The following FUT9 variants were observed in gnomAD, a reference collection of about 807,000 sequenced individuals.
The protein encoded by FUT9 is fucosyltransferase 9, also known as 4-galactosyl-N-acetylglucosaminide 3-alpha-L-fucosyltransferase 9.
FUT9 carries 15 observed loss-of-function variants against 29.7 expected under a neutral mutation model. The ratio of observed to expected loss-of-function variants is 0.51; its 90% CI spans 0.34 to 0.78. The LOEUF (loss-of-function observed/expected upper bound fraction) is 0.78, where lower values mean the gene tolerates loss of function less well. Ranked by LOEUF, FUT9 falls within the 30% of genes least tolerant of loss-of-function variation. The pLI is 0.01. For synonymous variants in FUT9, 169 were observed against 153.7 expected (o/e 1.10, Z -0.74); for missense variants, 319 against 425.4 (o/e 0.75, Z 2.20).
At chr6:96,105,142 G>A (rs1771654669) in intron 1 of FUT9, among the ~76,000 whole-genome samples, 1 of 152,162 alleles carries the variant, frequency 6.6e-6, no homozygotes, top group Admixed American at 6.5e-5. Flanking sequence ...GATTCAAAAG[G>A]AGATAAATCT....
chr6:96,196,880 C>T (rs752155012), intron 2 of FUT9, among the ~76,000 whole-genome samples: 3 of 152,236 alleles, frequency 2.0e-5, no homozygotes, highest in Middle Eastern at 3.4e-3. Context: ...CAGAAAATTT[C>T]ATGGCCAGTT....
chr6:96,019,632 G>A lies in FUT9; in HGVS notation c.-98+3420G>A, dbSNP rs187351888. Reference sequence around the variant, plus strand: ...AAGTTTTACAACAATGCTATAAAGTGATACTCTCATAAACTCTAATGTACA... The same window carrying A: ...AAGTTTTACAACAATGCTATAAAGTAATACTCTCATAAACTCTAATGTACA... On this transcript the variant is annotated intron_variant, in intron 1 of 2. Coordinates refer to ENST00000302103, the MANE Select transcript of FUT9 (RefSeq NM_006581.4). Among the ~76,000 whole-genome samples the A allele has an allele frequency of 7.2e-5, 11 of 152,138 alleles. No homozygotes were observed. The East Asian group carries it at 1.7e-3, about 24-fold the overall frequency.
chr6:96,143,569 CCTT>C (rs1263746016), intron 2 of FUT9, among the ~76,000 whole-genome samples: 2 of 151,928 alleles, frequency 1.3e-5, no homozygotes, highest in South Asian at 2.1e-4. Context: ...TTTCTCCTTT[CCTT>C]CTTCTTATTT....
intron 2 of FUT9, among the ~76,000 whole-genome samples, chr6:96,137,528 G>C (rs1375401939): frequency 1.3e-5 from 2 of 151,972 alleles, no homozygotes; most frequent in Non-Finnish European, 2.9e-5. Flanking sequence ...TGGAGAAAAA[G>C]AGGAACTTTA....
chr6:96,023,614 T>C (rs1224382229), intron 1 of FUT9, among the ~76,000 whole-genome samples: 2 of 151,910 alleles, frequency 1.3e-5, no homozygotes, highest in Non-Finnish European at 2.9e-5. Context: ...AAGCTGGTAC[T>C]GGCACAGTCC....
At chr6:96,041,061 TGGGCCAGTGTCCCTCCC>T (rs1168662189) in intron 1 of FUT9, among the ~76,000 whole-genome samples, 1 of 151,908 alleles carries the variant, frequency 6.6e-6, no homozygotes, top group Non-Finnish European at 1.5e-5. Flanking sequence ...TTCTCTAGGC[TGGGCCAGTGTCCCTCCC>T]GGTTTATGCC....
Position 96,211,796 on chromosome 6 carries a change from A to G in FUT9, c.*7561A>G. ...AATGATATTCAAAATAGTATTTTTA[A>G]GTAGTTTCTAATTGTGTTCCTTTAA... On this transcript the variant is annotated 3_prime_UTR_variant, in exon 3 of 3. Transcript: ENST00000302103. The G allele has an allele frequency of 3.6e-6, 1 of 276,388 alleles. No individual in the cohort carries two copies. Among genetic ancestry groups the G allele is most frequent in the Non-Finnish European group, 7.1e-6 (1 of 140,790 alleles). The allele number at this position is 276,388 out of a possible 1,614,324, so 17.1% of individuals were successfully genotyped here. A position where few individuals can be genotyped will look rare whatever the true frequency, so the allele number is the denominator to read the frequency against.
At chr6:96,133,879 T>C (rs1315017767) in intron 2 of FUT9, among the ~76,000 whole-genome samples, 2 of 151,960 alleles carry the variant, frequency 1.3e-5, no homozygotes, top group Admixed American at 1.3e-4. Context: ...CTTATGATTT[T>C]CTAACTATCG....
chr6:96,168,640 T>C lies in FUT9; in HGVS notation c.-8-34508T>C, dbSNP rs118120900. Among the ~76,000 whole-genome samples, 189 of 152,196 alleles carry C rather than the reference T, an allele frequency of 1.2e-3. 1 individual carries two copies. Among genetic ancestry groups the C allele is most frequent in the Admixed American group, 7.1e-3 (108 of 15,288 alleles). Reference sequence around the variant, plus strand: ...CTGATTAGAAGGTATGTAATAGGAATAGAAGTAGAAAAAGTGAAGAAAGTG... The same window carrying C: ...CTGATTAGAAGGTATGTAATAGGAACAGAAGTAGAAAAAGTGAAGAAAGTG... On this transcript the variant is annotated intron_variant, in intron 2 of 2. Coordinates refer to ENST00000302103, the MANE Select transcript of FUT9 (RefSeq NM_006581.4).
intron 1 of FUT9, among the ~76,000 whole-genome samples, chr6:96,100,792 T>C (rs901078430): frequency 4.6e-5 from 7 of 152,200 alleles, no homozygotes; most frequent in Non-Finnish European, 1.5e-5. Flanking sequence ...TGAGTGTCTA[T>C]GTTTTAGAAA....
rs78296931 is a variant in FUT9 at position 96,107,382 on chromosome 6, G to A, written c.-97-6657G>A. 4.3e-3 allele frequency among the ~76,000 whole-genome samples: 652 copies of A among 152,072 alleles called. 5 individuals are homozygous for A. The highest frequency in any genetic ancestry group is 0.015 in the African/African-American group (617 of 41,476). ...TATGTACATTCTGCATTTTATTTAC[G>A]ATATACTGTCTCTCTATTTTAGAAC... On this transcript the variant is annotated intron_variant, in intron 1 of 2. Coordinates refer to ENST00000302103, the MANE Select transcript of FUT9 (RefSeq NM_006581.4).
At chr6:96,108,023 C>T (rs1771725355) in intron 1 of FUT9, among the ~76,000 whole-genome samples, 2 of 149,362 alleles carry the variant, frequency 1.3e-5, no homozygotes, top group South Asian at 2.1e-4. Flanking sequence ...AAGCTATGGA[C>T]CTGGGGAGAT....
intron 2 of FUT9, among the ~76,000 whole-genome samples, chr6:96,126,207 G>A (rs1211635289): frequency 6.6e-6 from 1 of 152,158 alleles, no homozygotes; most frequent in Non-Finnish European, 1.5e-5. Context: ...TTATGGTACG[G>A]CAGGCTGTAC....
At position 96,204,256 on chromosome 6, in the gene FUT9, C is replaced by T. The variant is rs1191649588; in HGVS notation, c.*21C>T. 5.0e-6 allele frequency: 7 copies of T among 1,399,682 alleles called. No homozygotes were observed. The highest frequency in any genetic ancestry group is 6.6e-6 in the Non-Finnish European group (7 of 1,062,044). The allele number at this position is 1,399,682 out of a possible 1,614,324, so 86.7% of individuals were successfully genotyped here. The stretch of plus-strand genomic sequence containing the variant: ...ATTAAAATTTTTCATCACTTGCACA[C>T]TTGATAAATATTTTGATGAGATATC... On this transcript the variant is annotated 3_prime_UTR_variant, in exon 3 of 3. Coordinates refer to ENST00000302103, the MANE Select transcript of FUT9 (RefSeq NM_006581.4).
At chr6:96,173,709 A>G (rs537865289) in intron 2 of FUT9, among the ~76,000 whole-genome samples, 86 of 152,174 alleles carry the variant, frequency 5.7e-4, no homozygotes, top group South Asian at 3.7e-3. Flanking sequence ...TGTCTTTTAT[A>G]TTTACAATAT....
intron 1 of FUT9, among the ~76,000 whole-genome samples, chr6:96,087,432 T>A (rs898246782): frequency 6.7e-6 from 1 of 148,902 alleles, no homozygotes; most frequent in Admixed American, 6.8e-5. Flanking sequence ...AGTGGCATGA[T>A]CTCAGCTCAC....
chr6:96,030,156 T>C (rs1770236258), intron 1 of FUT9, among the ~76,000 whole-genome samples: 2 of 151,610 alleles, frequency 1.3e-5, no homozygotes, highest in Non-Finnish European at 3.0e-5. Flanking sequence ...ATGATAATTA[T>C]AGAATACTCC....
intron 2 of FUT9, among the ~76,000 whole-genome samples, chr6:96,198,364 A>G (rs1457098232): frequency 6.6e-6 from 1 of 150,548 alleles, no homozygotes; most frequent in African/African-American, 2.4e-5. Flanking sequence ...GAGAATATGC[A>G]GTGTTTGGTT....
At chr6:96,031,821 A>G (rs1770266791) in intron 1 of FUT9, among the ~76,000 whole-genome samples, 1 of 151,532 alleles carries the variant, frequency 6.6e-6, no homozygotes, top group African/African-American at 2.4e-5. Context: ...TTCTCAGTAT[A>G]TTTTACAAAA....
Sources: gnomAD v4.1 joint callset for allele counts (sites outside exome capture counted in the v4.1 genomes callset) on GRCh38, gnomAD v4.1.1 for gene constraint, MANE v1.5 for transcripts, NCBI Gene and HGNC (gene_info 2026-07-23, HGNC 2026-07-21) for gene names.